The following CACNA1C variants were observed in gnomAD, a reference collection of about 807,000 sequenced individuals.
CACNA1C encodes the protein voltage-dependent L-type calcium channel subunit alpha-1C.
Under a neutral mutation model 229.0 loss-of-function variants are expected in CACNA1C, and 30 were observed. The observed-to-expected ratio is 0.13, with a 90% confidence interval of 0.10 to 0.18. The LOEUF (loss-of-function observed/expected upper bound fraction) is 0.18, where lower values mean the gene tolerates loss of function less well. Among genes scored for constraint, CACNA1C ranks in the 10% least tolerant of loss-of-function variants. CACNA1C has a pLI of 1.00. For synonymous variants in CACNA1C, 1,114 were observed against 1,132.5 expected (o/e 0.98, Z 0.33); for missense variants, 1,658 against 2,845.0 (o/e 0.58, Z 9.49).
At chr12:2,380,675 G>T (rs1387315302) in intron 3 of CACNA1C, among the ~76,000 whole-genome samples, 1 of 152,216 alleles carries the variant, frequency 6.6e-6, no homozygotes, top group African/African-American at 2.4e-5. Context: ...TTGGCTTAAG[G>T]CTGGCACGAA....
Position 2,566,394 on chromosome 12 carries a change from C to A in CACNA1C, c.1509-28C>A. ...GGAAACCTGAATTCACAGCCAACCC[C>A]ACCCTTCTCTCCCTGTCCCCTTTCC... On this transcript the variant is annotated intron_variant, in intron 11 of 46. Transcript: ENST00000399655. This position sits in a 1 kb window ranked among gnomAD's most constrained non-coding sequence, Gnocchi z 4.0. The A allele has an allele frequency of 3.9e-6, 6 of 1,557,442 alleles. No homozygotes were observed. The highest frequency in any genetic ancestry group is 5.2e-6 in the Non-Finnish European group (6 of 1,149,576).
upstream of CACNA1C, among the ~76,000 whole-genome samples, chr12:2,051,173 T>G (rs1183082755): frequency 1.3e-5 from 2 of 152,142 alleles, no homozygotes; most frequent in African/African-American, 4.8e-5. Flanking sequence ...CAGGTGAGAT[T>G]TGCGGAAAGC....
chr12:2,648,792 C>G (rs1476201946), intron 31 of CACNA1C, among the ~76,000 whole-genome samples: 1 of 152,194 alleles, frequency 6.6e-6, no homozygotes. Flanking sequence ...GACCCGAGGT[C>G]CATTTCCTGT....
chr12:2,451,096 C>G lies in CACNA1C; in HGVS notation c.617+1981C>G, dbSNP rs941195904. Among the ~76,000 whole-genome samples the G allele has an allele frequency of 4.6e-5, 7 of 152,232 alleles. No individual in the cohort carries two copies. In the East Asian group the frequency reaches 1.2e-3, roughly 25 times the overall value. On this transcript the variant is annotated intron_variant, in intron 4 of 46. Transcript: ENST00000399655. ...GAACCTCAGGAATATTTGGGTGATA[C>G]GAGGTGCACTAAGGTTATTAGCATC...
chr12:2,482,077 C>A (rs963204008), intron 5 of CACNA1C, among the ~76,000 whole-genome samples: 1 of 152,232 alleles, frequency 6.6e-6, no homozygotes, highest in Non-Finnish European at 1.5e-5. Context: ...AACATCCAGG[C>A]CCTGAGAGCC....
chr12:2,557,108 A>G, intron 11 of CACNA1C, 131 bp downstream of exon 11: 1 of 692,500 alleles, frequency 1.4e-6, no homozygotes. Flanking sequence ...GGGGGTAACT[A>G]CTTTCTGTAT....
chr12:2,688,892 C>G, intron 46 of CACNA1C, 113 bp downstream of exon 46: 1 of 893,466 alleles, frequency 1.1e-6, no homozygotes, highest in Non-Finnish European at 1.7e-6. Flanking sequence ...CAGTCAATAT[C>G]TGAGCCCGAA....
intron 3 of CACNA1C, among the ~76,000 whole-genome samples, chr12:2,426,582 C>T (rs1406735693): frequency 6.6e-6 from 1 of 152,240 alleles, no homozygotes; most frequent in Non-Finnish European, 1.5e-5. Flanking sequence ...TGCTGCGTAA[C>T]AAACTACCCG....
intron 3 of CACNA1C, among the ~76,000 whole-genome samples, chr12:2,186,275 G>T (rs1456348835): frequency 2.0e-5 from 3 of 152,102 alleles, no homozygotes; most frequent in African/African-American, 7.2e-5. Flanking sequence ...CTGTGTGGTC[G>T]GTCCTCTCGG....
At chr12:2,517,926 G>A (rs2099800745) in intron 9 of CACNA1C, among the ~76,000 whole-genome samples, 1 of 152,182 alleles carries the variant, frequency 6.6e-6, no homozygotes, top group South Asian at 2.1e-4. Flanking sequence ...ATGTCATTAA[G>A]ACAACTTAAA....
At position 2,073,616 on chromosome 12, in the gene CACNA1C, C is replaced by T. The variant is rs138703315; in HGVS notation, c.49+20005C>T. Among the ~76,000 whole-genome samples, 403 of 152,280 alleles carry T rather than the reference C, an allele frequency of 2.6e-3. 3 individuals carry two copies. The highest frequency in any genetic ancestry group is 0.025 in the East Asian group (132 of 5,184). On this transcript the variant is annotated intron_variant, in intron 1 of 46. Coordinates refer to ENST00000399655, the MANE Select transcript of CACNA1C (RefSeq NM_000719.7). ...AGCCACCTGGAACCTGCTCAGAGGG[C>T]GGCTGGAATCAACTATTTACATTTT... is the stretch of plus-strand genomic sequence containing the variant.
At chr12:2,206,137 G>C (rs1403965481) in intron 3 of CACNA1C, among the ~76,000 whole-genome samples, 2 of 152,152 alleles carry the variant, frequency 1.3e-5, no homozygotes, top group Non-Finnish European at 2.9e-5. Flanking sequence ...ACCTGGGATG[G>C]CTCCGCGTAA....
At chr12:2,615,563 C>G (rs368181196) in intron 29 of CACNA1C, among the ~76,000 whole-genome samples, 1 of 151,074 alleles carries the variant, frequency 6.6e-6, no homozygotes, top group East Asian at 2.0e-4. Flanking sequence ...CCCAATTGCA[C>G]TTTGCTGGAG....
chr12:2,139,858 G>C (rs79050574), intron 3 of CACNA1C, among the ~76,000 whole-genome samples: 2 of 151,158 alleles, frequency 1.3e-5, no homozygotes, highest in Admixed American at 1.3e-4. Flanking sequence ...AGGACACAGC[G>C]GGCCTCATGC....
chr12:2,248,849 A>G (rs988376520), intron 3 of CACNA1C, among the ~76,000 whole-genome samples: 5 of 152,206 alleles, frequency 3.3e-5, no homozygotes, highest in African/African-American at 1.2e-4. Context: ...TGAGCAAGTT[A>G]TGGTAACCCT....
At chr12:2,621,725 A>G (rs1308562825) in intron 29 of CACNA1C, among the ~76,000 whole-genome samples, 2 of 152,142 alleles carry the variant, frequency 1.3e-5, no homozygotes, top group African/African-American at 4.8e-5. Context: ...GAGGGTGAGG[A>G]ACAGGAATCA....
At chr12:2,169,087 C>T (rs1266848266) in intron 3 of CACNA1C, among the ~76,000 whole-genome samples, 6 of 152,124 alleles carry the variant, frequency 3.9e-5, no homozygotes, top group Non-Finnish European at 8.8e-5. Context: ...TGCTTTGCCT[C>T]GTTAAGAGCT....
At chr12:2,198,308 TC>T (rs541796324) in intron 3 of CACNA1C, among the ~76,000 whole-genome samples, 2 of 152,000 alleles carry the variant, frequency 1.3e-5, no homozygotes, top group African/African-American at 4.8e-5. Context: ...CGCCTCTGCC[TC>T]CCCCCGGAGA....
At chr12:2,432,092 A>AT (rs1015428451) in intron 3 of CACNA1C, among the ~76,000 whole-genome samples, 2 of 152,150 alleles carry the variant, frequency 1.3e-5, no homozygotes, top group Non-Finnish European at 2.9e-5. Context: ...GAACAGACCC[A>AT]TTTTTACAAG....
Sources: gnomAD v4.1 joint callset for allele counts (sites outside exome capture counted in the v4.1 genomes callset) on GRCh38, gnomAD v4.1.1 for gene constraint, Gnocchi (gnomAD v3.1) non-coding constraint, MANE v1.5 for transcripts, NCBI Gene and HGNC (gene_info 2026-07-23, HGNC 2026-07-21) for gene names.